KIRREL3: variants seen among roughly 807,000 people sequenced by gnomAD.
KIRREL3 encodes the protein kin of IRRE-like protein 3.
KIRREL3 carries 36 observed loss-of-function variants against 89.7 expected under a neutral mutation model. The ratio of observed to expected loss-of-function variants is 0.40; its 90% CI spans 0.31 to 0.53. KIRREL3 has a LOEUF of 0.53. KIRREL3 is among the 20% of genes least tolerant of loss of function. KIRREL3 has a pLI of 0.49. For synonymous variants in KIRREL3, 445 were observed against 441.4 expected (o/e 1.01, Z -0.10); for missense variants, 864 against 1,056.6 (o/e 0.82, Z 2.53).
chr11:126,886,526 C>T (rs1037660568), intron 1 of KIRREL3, among the ~76,000 whole-genome samples: 2 of 152,194 alleles, frequency 1.3e-5, no homozygotes, highest in African/African-American at 2.4e-5. Context: ...AAAACACAGC[C>T]ATGTTTTGTG....
rs939675384 is a variant in KIRREL3 at position 126,561,870 on chromosome 11, G to A, written c.133+965C>T. Among the ~76,000 whole-genome samples, 3 of 152,172 alleles carry A rather than the reference G, an allele frequency of 2.0e-5. No individual in the cohort carries two copies. The highest frequency in any genetic ancestry group is 7.2e-5 in the African/African-American group (3 of 41,440). On this transcript the variant is annotated intron_variant, in intron 2 of 16. Coordinates refer to ENST00000525144, the MANE Select transcript of KIRREL3 (RefSeq NM_032531.4). This position sits in a 1 kb window ranked among gnomAD's most constrained non-coding sequence, Gnocchi z 4.5. Reference sequence around the variant, plus strand: ...GTTGTCGTGGTCGGGGTTGGGAGGAGAGACAGCTGAGGAGCTTGGAAAGAG... The same window carrying A: ...GTTGTCGTGGTCGGGGTTGGGAGGAAAGACAGCTGAGGAGCTTGGAAAGAG...
chr11:126,921,519 ATCTG>A (rs200732363), intron 1 of KIRREL3, among the ~76,000 whole-genome samples: 39 of 149,116 alleles, frequency 2.6e-4, no homozygotes, highest in East Asian at 1.0e-3. Flanking sequence ...TAATCTATCT[ATCTG>A]TCTGTCTGTC....
chr11:126,627,751 T>C lies in KIRREL3; in HGVS notation c.56-64839A>G, dbSNP rs1943853719. The stretch of plus-strand genomic sequence containing the variant: ...GAGGGAGGGAGAAGAATGTTCTTTA[T>C]GGGGGGTGTTGGCAGGATTAGAGGG... On this transcript the variant is annotated intron_variant, in intron 1 of 16. Transcript: ENST00000525144. The surrounding 1 kb of genome is among the most constrained non-coding windows in gnomAD (Gnocchi z 5.0). Among the ~76,000 whole-genome samples, 1 of 152,044 alleles carries C rather than the reference T, an allele frequency of 6.6e-6. No homozygotes were observed. Among genetic ancestry groups the C allele is most frequent in the Non-Finnish European group, 1.5e-5 (1 of 67,988 alleles).
At position 126,471,860 on chromosome 11, in the gene KIRREL3, A is replaced by G. The variant is rs543594192; in HGVS notation, c.591+1449T>C. On this transcript the variant is annotated intron_variant, in intron 5 of 16. Coordinates refer to ENST00000525144, the MANE Select transcript of KIRREL3 (RefSeq NM_032531.4). The surrounding 1 kb of genome is among the most constrained non-coding windows in gnomAD (Gnocchi z 5.4). ...AAATACACAACATTTTAAAGACACA[A>G]TTAATACGGGGGCCAGTTCAGGGTG... 6.6e-6 allele frequency among the ~76,000 whole-genome samples: 1 copy of G among 152,284 alleles called. No homozygotes were observed. The highest frequency in any genetic ancestry group is 2.4e-5 in the African/African-American group (1 of 41,560).
intron 1 of KIRREL3, among the ~76,000 whole-genome samples, chr11:126,881,911 TA>T (rs1279238389): frequency 6.6e-6 from 1 of 152,124 alleles, no homozygotes; most frequent in Non-Finnish European, 1.5e-5. Context: ...CCAAAACTGC[TA>T]GGGAATCAGA....
At position 126,687,370 on chromosome 11, in the gene KIRREL3, C is replaced by T. The variant is rs1946705914; in HGVS notation, c.56-124458G>A. On this transcript the variant is annotated intron_variant, in intron 1 of 16. Coordinates refer to ENST00000525144, the MANE Select transcript of KIRREL3 (RefSeq NM_032531.4). This position sits in a 1 kb window ranked among gnomAD's most constrained non-coding sequence, Gnocchi z 4.6. ...CCCAACATAACATCCCCAAATTTAC[C>T]TAGCCCAGAGTTTTAAAAAATTTAT... Among the ~76,000 whole-genome samples, 1 of 152,126 alleles carries T rather than the reference C, an allele frequency of 6.6e-6. No homozygotes were observed. Among genetic ancestry groups the T allele is most frequent in the Non-Finnish European group, 1.5e-5 (1 of 68,030 alleles).
Position 126,995,269 on chromosome 11 carries a change from C to T in KIRREL3, c.55+5186G>A, listed in dbSNP as rs1464524590. 4.4e-6 allele frequency: 2 copies of T among 456,214 alleles called. No individual in the cohort carries two copies. The highest frequency in any genetic ancestry group is 2.3e-5 in the Admixed American group (1 of 42,576). 28.3% of individuals were successfully genotyped at this position (456,214 alleles called of 1,614,324 possible). A position where few individuals can be genotyped will look rare whatever the true frequency, so the allele number is the denominator to read the frequency against. On this transcript the variant is annotated intron_variant, in intron 1 of 16. Coordinates refer to ENST00000525144, the MANE Select transcript of KIRREL3 (RefSeq NM_032531.4). The surrounding 1 kb of genome is among the most constrained non-coding windows in gnomAD (Gnocchi z 6.5). The stretch of plus-strand genomic sequence containing the variant: ...AGGCAAGACAAGAGCTCCAATCACT[C>T]TGCTGCAAGCGCCACCATTAAAGTC...
In KIRREL3 at chr11:126,905,691, C is replaced by G. The variant is rs1378196318; in HGVS notation, c.55+94764G>C. ...TTCTCCAATCTGTCTGGCCATGAAC[C>G]CTTAACAGAACACCAGAGACCTATG... On this transcript the variant is annotated intron_variant, in intron 1 of 16. Coordinates refer to ENST00000525144, the MANE Select transcript of KIRREL3 (RefSeq NM_032531.4). The surrounding 1 kb of genome is among the most constrained non-coding windows in gnomAD (Gnocchi z 5.0). Among the ~76,000 whole-genome samples, 2 of 152,090 alleles carry G rather than the reference C, an allele frequency of 1.3e-5. No homozygotes were observed. Among genetic ancestry groups the G allele is most frequent in the South Asian group, 4.1e-4 (2 of 4,828 alleles).
intron 1 of KIRREL3, among the ~76,000 whole-genome samples, chr11:126,707,336 C>T (rs1254602608): frequency 2.2e-5 from 3 of 138,438 alleles, no homozygotes; most frequent in Admixed American, 7.8e-5. Flanking sequence ...TTTATGGTTT[C>T]GTCTTTCATC....
chr11:126,796,382 T>C lies in KIRREL3; in HGVS notation c.55+204073A>G, dbSNP rs1950811925. The stretch of plus-strand genomic sequence containing the variant: ...GATTGTCTTGGATGGAAGGATCTCA[T>C]TCTGCCCGTCCTGTCCCGCAGCATT... On this transcript the variant is annotated intron_variant, in intron 1 of 16. Coordinates refer to ENST00000525144, the MANE Select transcript of KIRREL3 (RefSeq NM_032531.4). The surrounding 1 kb of genome is among the most constrained non-coding windows in gnomAD (Gnocchi z 5.1). Among the ~76,000 whole-genome samples, 1 of 152,196 alleles carries C rather than the reference T, an allele frequency of 6.6e-6. No homozygotes were observed. Among genetic ancestry groups the C allele is most frequent in the Non-Finnish European group, 1.5e-5 (1 of 68,040 alleles).
Position 126,571,882 on chromosome 11 carries a change from G to T in KIRREL3, c.56-8970C>A, listed in dbSNP as rs1294847762. On this transcript the variant is annotated intron_variant, in intron 1 of 16. Transcript: ENST00000525144. The surrounding 1 kb of genome is among the most constrained non-coding windows in gnomAD (Gnocchi z 7.7). ...CGTATCTAATTCCAATGAGTTACTTGCTAGGTGGGGGAACAGAGAAATAGG... is the reference window on the plus strand; with the variant it reads ...CGTATCTAATTCCAATGAGTTACTTTCTAGGTGGGGGAACAGAGAAATAGG... Among the ~76,000 whole-genome samples the T allele has an allele frequency of 6.6e-6, 1 of 152,234 alleles. No homozygotes were observed. Among genetic ancestry groups the T allele is most frequent in the Non-Finnish European group, 1.5e-5 (1 of 68,034 alleles).
chr11:126,769,996 G>A lies in KIRREL3; in HGVS notation c.56-207084C>T, dbSNP rs151028449. Among the ~76,000 whole-genome samples, 814 of 152,224 alleles carry A rather than the reference G, an allele frequency of 5.3e-3. 8 individuals are homozygous for A. The highest frequency in any genetic ancestry group is 0.018 in the African/African-American group (755 of 41,508). On this transcript the variant is annotated intron_variant, in intron 1 of 16. Coordinates refer to ENST00000525144, the MANE Select transcript of KIRREL3 (RefSeq NM_032531.4). This position sits in a 1 kb window ranked among gnomAD's most constrained non-coding sequence, Gnocchi z 4.3. ...GTTTTTCCCAGATCCCTGTATGGGC[G>A]GATGTGCAGATCCCATTAAAATATC...
intron 1 of KIRREL3, among the ~76,000 whole-genome samples, chr11:126,663,181 G>GTTT (rs1177712221): frequency 4.6e-5 from 5 of 107,664 alleles, no homozygotes; most frequent in Non-Finnish European, 1.0e-4. Context: ...ATCATGTCTG[G>GTTT]CTTTTTTTTT....
chr11:126,722,034 G>T (rs897726454), intron 1 of KIRREL3, among the ~76,000 whole-genome samples: 1 of 152,174 alleles, frequency 6.6e-6, no homozygotes, highest in Non-Finnish European at 1.5e-5. Context: ...GGCAGTCAAG[G>T]CTCCCAATGA....
rs955705486 is a variant in KIRREL3, at chr11:126,994,351, T to A, written c.55+6104A>T. Among the ~76,000 whole-genome samples the A allele has an allele frequency of 1.3e-5, 2 of 152,186 alleles. No homozygotes were observed. The highest frequency in any genetic ancestry group is 2.9e-5 in the Non-Finnish European group (2 of 68,040). Reference sequence around the variant, plus strand: ...AAGGAGAAGAAGGATGACTTCCTCTTTCCACCCTTCATGCCCCAACAGAAC... The same window carrying A: ...AAGGAGAAGAAGGATGACTTCCTCTATCCACCCTTCATGCCCCAACAGAAC... On this transcript the variant is annotated intron_variant, in intron 1 of 16. Transcript: ENST00000525144. This position sits in a 1 kb window ranked among gnomAD's most constrained non-coding sequence, Gnocchi z 5.2.
intron 1 of KIRREL3, among the ~76,000 whole-genome samples, chr11:126,895,255 G>A (rs1469051381): frequency 2.0e-5 from 3 of 151,852 alleles, no homozygotes; most frequent in Non-Finnish European, 4.4e-5. Context: ...TTGAGGTCAG[G>A]AGTTCAAGAC....
intron 1 of KIRREL3, among the ~76,000 whole-genome samples, chr11:126,845,323 C>T (rs965139306): frequency 6.6e-6 from 1 of 152,130 alleles, no homozygotes; most frequent in Admixed American, 6.5e-5. Context: ...AACTTCTTAC[C>T]AATCAGACTT....
intron 1 of KIRREL3, among the ~76,000 whole-genome samples, chr11:126,821,306 T>G (rs1000472492): frequency 2.8e-5 from 4 of 143,512 alleles, no homozygotes; most frequent in Non-Finnish European, 6.0e-5. Flanking sequence ...TATTAGATTT[T>G]CATGGGTCAA....
At chr11:126,552,077 T>C (rs370032048) in intron 2 of KIRREL3, among the ~76,000 whole-genome samples, 1 of 152,256 alleles carries the variant, frequency 6.6e-6, no homozygotes, top group Non-Finnish European at 1.5e-5. Context: ...CGAGACTCTT[T>C]CCAGTTGTTA....
Sources: gnomAD v4.1 joint callset for allele counts (sites outside exome capture counted in the v4.1 genomes callset) on GRCh38, gnomAD v4.1.1 for gene constraint, Gnocchi (gnomAD v3.1) non-coding constraint, MANE v1.5 for transcripts, NCBI Gene and HGNC (gene_info 2026-07-23, HGNC 2026-07-21) for gene names.